Variants in CMIP observed in about 807,000 individuals in gnomAD.
CMIP encodes C-Maf-inducing protein.
In CMIP, 13 loss-of-function variants were observed where a neutral mutation model predicts 97.3. The ratio of observed to expected loss-of-function variants is 0.13; its 90% CI spans 0.09 to 0.21. The LOEUF (loss-of-function observed/expected upper bound fraction) is 0.21. CMIP is among the 10% of genes least tolerant of loss of function. CMIP has a pLI of 1.00. For missense variants in CMIP, 847 were observed against 1,024.9 expected, an observed-to-expected ratio of 0.83 and a Z score of 2.37; for synonymous variants, 538 against 436.3, an observed-to-expected ratio of 1.23 and a Z score of -2.91.
At chr16:81,522,444 T>C (rs771832469) in intron 1 of CMIP, among the ~76,000 whole-genome samples, 1 of 152,230 alleles carries the variant, frequency 6.6e-6, no homozygotes, top group Non-Finnish European at 1.5e-5. Context: ...GGCATAGCCA[T>C]GGGGTGCCTG....
intron 1 of CMIP, among the ~76,000 whole-genome samples, chr16:81,585,731 G>A (rs1009145962): frequency 7.9e-6 from 1 of 126,712 alleles, no homozygotes; most frequent in Non-Finnish European, 1.8e-5. Flanking sequence ...TGCATCTGCT[G>A]GAGGATTGGG....
intron 1 of CMIP, among the ~76,000 whole-genome samples, chr16:81,570,089 A>C (rs1440122217): frequency 1.3e-5 from 2 of 152,054 alleles, no homozygotes; most frequent in Middle Eastern, 3.2e-3. Context: ...TCAATGGGGG[A>C]AGGGGGATGG....
intron 1 of CMIP, among the ~76,000 whole-genome samples, chr16:81,493,361 C>T (rs369676494): frequency 7.5e-5 from 6 of 80,084 alleles, no homozygotes; most frequent in African/African-American, 2.1e-4. Flanking sequence ...CGTTACCTGT[C>T]GTTACCTGTC....
At chr16:81,507,107 T>A (rs1180479728) in intron 1 of CMIP, among the ~76,000 whole-genome samples, 2 of 151,454 alleles carry the variant, frequency 1.3e-5, no homozygotes, top group Non-Finnish European at 2.9e-5. Context: ...TACAAAAAAA[T>A]TAGCTGGGCG....
chr16:81,548,205 C>T (rs758150461), intron 1 of CMIP, among the ~76,000 whole-genome samples: 6 of 147,228 alleles, frequency 4.1e-5, no homozygotes, highest in Non-Finnish European at 7.4e-5. Flanking sequence ...ACAATCATGG[C>T]GCACTGCAGC....
At chr16:81,667,799 A>AGAGAGAGAGAGAGAGAGAGAGT in intron 7 of CMIP, among the ~76,000 whole-genome samples, 1 of 58,136 alleles carries the variant, frequency 1.7e-5, no homozygotes, top group African/African-American at 7.0e-5. Context: ...AGAGAGAGAG[A>AGAGAGAGAGAGAGAGAGAGAGT]GTGTGTGTGT....
chr16:81,566,749 C>G (rs560720540), intron 1 of CMIP, among the ~76,000 whole-genome samples: 1 of 152,226 alleles, frequency 6.6e-6, no homozygotes, highest in East Asian at 1.9e-4. Flanking sequence ...TAGAAACAAC[C>G]CAAGTATCCA....
At chr16:81,529,713 G>A (rs2090196012) in intron 1 of CMIP, among the ~76,000 whole-genome samples, 1 of 152,128 alleles carries the variant, frequency 6.6e-6, no homozygotes, top group Non-Finnish European at 1.5e-5. Flanking sequence ...GGAGATGTGC[G>A]GAGGCAGAGA....
At chr16:81,523,651 T>C (rs780147267) in intron 1 of CMIP, among the ~76,000 whole-genome samples, 3 of 152,170 alleles carry the variant, frequency 2.0e-5, no homozygotes, top group African/African-American at 7.2e-5. Flanking sequence ...CGAAAAGCCA[T>C]GGTGGCCTAG....
intron 1 of CMIP, among the ~76,000 whole-genome samples, chr16:81,603,965 T>G (rs2091699639): frequency 6.6e-6 from 1 of 152,180 alleles, no homozygotes; most frequent in Non-Finnish European, 1.5e-5. Context: ...GTAGAGGAAA[T>G]GAACTCAGAG....
intron 3 of CMIP, among the ~76,000 whole-genome samples, chr16:81,629,649 G>A (rs962328869): frequency 1.3e-5 from 2 of 152,228 alleles, no homozygotes; most frequent in Non-Finnish European, 2.9e-5. Flanking sequence ...CCGAGGCTGC[G>A]TCCATCTTCA....
intron 1 of CMIP, among the ~76,000 whole-genome samples, chr16:81,504,311 G>C (rs1406373019): frequency 6.6e-6 from 1 of 151,848 alleles, no homozygotes; most frequent in South Asian, 2.1e-4. Context: ...TGGTGATAGA[G>C]TGAGACTGTC....
At chr16:81,521,410 C>T (rs1233417814) in intron 1 of CMIP, among the ~76,000 whole-genome samples, 2 of 152,052 alleles carry the variant, frequency 1.3e-5, no homozygotes, top group East Asian at 1.9e-4. Flanking sequence ...GAGCTGCCCC[C>T]GCTGTCGTTC....
At chr16:81,499,136 G>A (rs1395417615) in intron 1 of CMIP, among the ~76,000 whole-genome samples, 1 of 152,048 alleles carries the variant, frequency 6.6e-6, no homozygotes, top group Admixed American at 6.6e-5. Context: ...CAGGCTCTTG[G>A]CCCTGACACG....
chr16:81,636,597 A>AT (rs1401299925), intron 3 of CMIP, among the ~76,000 whole-genome samples: 1 of 128,048 alleles, frequency 7.8e-6, no homozygotes, highest in African/African-American at 2.7e-5. Flanking sequence ...AAAAAAAAAA[A>AT]AAAAGTATGG....
intron 1 of CMIP, among the ~76,000 whole-genome samples, chr16:81,570,443 C>T (rs774413144): frequency 3.9e-5 from 6 of 152,164 alleles, no homozygotes; most frequent in Non-Finnish European, 8.8e-5. Context: ...ACCACTGCTC[C>T]GTTCTGAGCC....
chr16:81,462,006 C>A (rs1906927332), intron 1 of CMIP, among the ~76,000 whole-genome samples: 2 of 152,210 alleles, frequency 1.3e-5, no homozygotes, highest in South Asian at 4.1e-4. Context: ...CTTCCTCTTT[C>A]CTTCTCGGAA....
intron 10 of CMIP, among the ~76,000 whole-genome samples, chr16:81,690,819 G>A (rs926377211): frequency 2.0e-5 from 3 of 152,280 alleles, no homozygotes; most frequent in East Asian, 1.9e-4. Context: ...CCAGCTGCTC[G>A]GAAGGCTGAG....
At chr16:81,668,821 A>C (rs2092640211) in intron 7 of CMIP, among the ~76,000 whole-genome samples, 1 of 149,762 alleles carries the variant, frequency 6.7e-6, no homozygotes, top group South Asian at 2.1e-4. Context: ...CCCACCTCAC[A>C]CTCACTGCCT....
Sources: gnomAD v4.1 joint callset for allele counts (sites outside exome capture counted in the v4.1 genomes callset) on GRCh38, gnomAD v4.1.1 for gene constraint, MANE v1.5 for transcripts, NCBI Gene and HGNC (gene_info 2026-07-23, HGNC 2026-07-21) for gene names.